IQSEC1: variants seen among roughly 807,000 people sequenced by gnomAD.
IQSEC1 encodes the protein IQ motif and SEC7 domain-containing protein 1.
A neutral mutation model predicts 91.0 loss-of-function variants in IQSEC1; 31 were observed. The ratio of observed to expected loss-of-function variants is 0.34; its 90% CI spans 0.26 to 0.46. IQSEC1 has a LOEUF of 0.46. Ranked by LOEUF, IQSEC1 falls within the 20% of genes least tolerant of loss-of-function variation. The pLI is 1.00. For synonymous variants in IQSEC1, 699 were observed against 662.6 expected (o/e 1.05, Z -0.84); for missense variants, 1,388 against 1,575.6 (o/e 0.88, Z 2.02).
chr3:13,222,079 T>C (rs1694670386), intron 1 of IQSEC1, among the ~76,000 whole-genome samples: 1 of 152,194 alleles, frequency 6.6e-6, no homozygotes. Context: ...CACACTTCAG[T>C]GGCATTAAGA....
intron 1 of IQSEC1, among the ~76,000 whole-genome samples, chr3:13,216,776 C>T (rs1171968044): frequency 6.6e-6 from 1 of 152,206 alleles, no homozygotes; most frequent in Non-Finnish European, 1.5e-5. Flanking sequence ...CGGATGCACT[C>T]TCTTCCCCGT....
rs1369349624 is a variant in IQSEC1, at chr3:12,899,850, G to A, written c.*1133C>T. 5 of 985,200 alleles carry A rather than the reference G, an allele frequency of 5.1e-6. No individual in the cohort carries two copies. 61.0% of individuals were successfully genotyped at this position (985,200 alleles called of 1,614,324 possible). A position where few individuals can be genotyped will look rare whatever the true frequency, so the allele number is the denominator to read the frequency against. Reference sequence around the variant, plus strand: ...GCGGGATGAGGACGTTATGGTGTTGGGGAGACGAGGATGAGAGCTGGTCAC... The same window carrying A: ...GCGGGATGAGGACGTTATGGTGTTGAGGAGACGAGGATGAGAGCTGGTCAC... On this transcript the variant is annotated 3_prime_UTR_variant, in exon 14 of 14. Transcript: ENST00000613206.
At chr3:13,222,620 C>T (rs1231978308) in intron 1 of IQSEC1, among the ~76,000 whole-genome samples, 2 of 152,240 alleles carry the variant, frequency 1.3e-5, no homozygotes, top group African/African-American at 4.8e-5. Flanking sequence ...TATTTCTCCA[C>T]ATCCTCACCA....
intron 1 of IQSEC1, among the ~76,000 whole-genome samples, chr3:13,256,045 G>A (rs1199196559): frequency 6.6e-6 from 1 of 152,236 alleles, no homozygotes; most frequent in East Asian, 1.9e-4. Flanking sequence ...CAAGCTGCCA[G>A]TGGTGCCAAG....
chr3:13,207,597 G>A lies in IQSEC1; in HGVS notation c.273-43464C>T, dbSNP rs1694367114. On this transcript the variant is annotated intron_variant, in intron 1 of 15. Coordinates refer to the IQSEC1 transcript ENST00000648114. This position sits in a 1 kb window ranked among gnomAD's most constrained non-coding sequence, Gnocchi z 4.8. ...AGAGGATTTGGCATCATCTGGGTCT[G>A]TCTCCTGCCCCAGCCTCTGCCCTGG... Among the ~76,000 whole-genome samples the A allele has an allele frequency of 6.6e-6, 1 of 152,160 alleles. No individual in the cohort carries two copies. Among genetic ancestry groups the A allele is most frequent in the South Asian group, 2.1e-4 (1 of 4,828 alleles).
At chr3:12,981,942 A>G (rs1701483517) in intron 1 of IQSEC1, among the ~76,000 whole-genome samples, 1 of 152,184 alleles carries the variant, frequency 6.6e-6, no homozygotes, top group South Asian at 2.1e-4. Context: ...TGGGGACACT[A>G]AGACCCCAGG....
chr3:12,958,205 A>C (rs1189330408), intron 1 of IQSEC1, among the ~76,000 whole-genome samples: 1 of 152,200 alleles, frequency 6.6e-6, no homozygotes, highest in Non-Finnish European at 1.5e-5. Context: ...GCCAGGCCCC[A>C]CAGCAAGTCA....
chr3:13,280,627 T>C (rs904916956), intron 1 of IQSEC1, among the ~76,000 whole-genome samples: 1 of 152,084 alleles, frequency 6.6e-6, no homozygotes, highest in African/African-American at 2.4e-5. Flanking sequence ...ACAGCCTCAC[T>C]GCTCACCCTG....
intron 1 of IQSEC1, among the ~76,000 whole-genome samples, chr3:13,210,719 G>A (rs529595886): frequency 3.3e-5 from 5 of 152,242 alleles, no homozygotes; most frequent in Admixed American, 6.5e-5. Flanking sequence ...CTCGGGGGCC[G>A]AACTCCACAG....
At chr3:13,112,194 A>C (rs568209573) in intron 2 of IQSEC1, among the ~76,000 whole-genome samples, 12 of 152,340 alleles carry the variant, frequency 7.9e-5, no homozygotes, top group South Asian at 2.1e-4. Context: ...AGAGGGAGTT[A>C]GCGGCTTCCT....
Position 12,898,774 on chromosome 3 carries a change from A to G in IQSEC1, c.*2209T>C, listed in dbSNP as rs1693904157. On this transcript the variant is annotated 3_prime_UTR_variant, in exon 14 of 14. Transcript: ENST00000613206. Reference sequence around the variant, plus strand: ...TCACGCCAATACATTTTGCAAACGCACAACACGCAGAGCGCAGCCTCACAG... The same window carrying G: ...TCACGCCAATACATTTTGCAAACGCGCAACACGCAGAGCGCAGCCTCACAG... 1 of 153,018 alleles carries G rather than the reference A, an allele frequency of 6.5e-6. No homozygotes were observed. The highest frequency in any genetic ancestry group is 6.5e-5 in the Admixed American group (1 of 15,366). 9.5% of individuals were successfully genotyped at this position (153,018 alleles called of 1,614,324 possible). A position where few individuals can be genotyped will look rare whatever the true frequency, so the allele number is the denominator to read the frequency against.
intron 1 of IQSEC1, among the ~76,000 whole-genome samples, chr3:12,984,894 G>A (rs373436567): frequency 1.1e-4 from 14 of 126,530 alleles, no homozygotes; most frequent in Admixed American, 3.9e-4. Context: ...GCGCTATCCC[G>A]GCTCACTGCA....
At chr3:13,145,804 C>T (rs865888487) in intron 2 of IQSEC1, among the ~76,000 whole-genome samples, 2 of 53,070 alleles carry the variant, frequency 3.8e-5, no homozygotes, top group Admixed American at 2.3e-4. Context: ...CGCCCGGGGG[C>T]GGGGGGGGGG....
At position 12,902,670 on chromosome 3, in the gene IQSEC1, C is replaced by CAAAAAAAAAAAA. The variant is rs1213830618; in HGVS notation, c.2805+91_2805+102dup. The CAAAAAAAAAAAA allele has an allele frequency of 3.6e-4, 70 of 192,624 alleles. 2 individuals carry two copies. The highest frequency in any genetic ancestry group is 6.8e-4 in the Admixed American group (7 of 10,276). The allele number at this position is 192,624 out of a possible 1,614,324, so 11.9% of individuals were successfully genotyped here. ...AAAAAAAAAACAACAAAAAAAAAAC[C>CAAAAAAAAAAAA]AAAAAAAAAAAAAAAAAAAAAAAAC... On this transcript the variant is annotated intron_variant, in intron 13 of 13. Transcript: ENST00000613206.
intron 3 of IQSEC1, among the ~76,000 whole-genome samples, chr3:12,927,943 TG>T (rs1471371927): frequency 6.9e-6 from 1 of 144,640 alleles, no homozygotes; most frequent in Non-Finnish European, 1.5e-5. Context: ...AAGGGGGTAG[TG>T]GGGCGGTGGG....
intron 2 of IQSEC1, among the ~76,000 whole-genome samples, chr3:13,084,278 A>G (rs1314112147): frequency 6.6e-6 from 1 of 152,022 alleles, no homozygotes; most frequent in East Asian, 1.9e-4. Context: ...AACGGGCATC[A>G]CTACATAGGT....
intron 2 of IQSEC1, among the ~76,000 whole-genome samples, chr3:13,136,644 C>T (rs1425326206): frequency 6.6e-6 from 1 of 152,112 alleles, no homozygotes; most frequent in Admixed American, 6.6e-5. Context: ...GAAACAGGGA[C>T]AGCAAATGAC....
chr3:13,276,962 T>C (rs1010133632), intron 1 of IQSEC1, among the ~76,000 whole-genome samples: 1 of 151,820 alleles, frequency 6.6e-6, no homozygotes, highest in African/African-American at 2.4e-5. Flanking sequence ...ATTAGGTCAA[T>C]TCCCTCTCCC....
chr3:13,090,868 A>G (rs1301816131), intron 2 of IQSEC1, among the ~76,000 whole-genome samples: 1 of 152,228 alleles, frequency 6.6e-6, no homozygotes, highest in Non-Finnish European at 1.5e-5. Context: ...AGGCACAGAC[A>G]GGCTGAGAAT....
Sources: allele counts gnomAD v4.1 joint callset (sites outside exome capture counted in the v4.1 genomes callset), GRCh38; gene constraint gnomAD v4.1.1; non-coding constraint Gnocchi (gnomAD v3.1); transcripts MANE v1.5; gene names NCBI Gene and HGNC (gene_info 2026-07-23, HGNC 2026-07-21).